Variants in GALNT10 observed in about 807,000 individuals in gnomAD.
GALNT10 encodes GalNAc transferase 10.
A neutral mutation model predicts 75.0 loss-of-function variants in GALNT10; 41 were observed. The ratio of observed to expected loss-of-function variants is 0.55; its 90% CI spans 0.43 to 0.71. The LOEUF is 0.71. Among genes scored for constraint, GALNT10 ranks in the 30% least tolerant of loss-of-function variants. The pLI, the probability that GALNT10 is intolerant of heterozygous loss-of-function variation, is 0.00. For synonymous variants in GALNT10, 302 were observed against 313.0 expected, an observed-to-expected ratio of 0.96 and a Z score of 0.37; for missense variants, 727 against 818.5, an observed-to-expected ratio of 0.89 and a Z score of 1.36.
chr5:154,344,424 A>C (rs550461383), intron 4 of GALNT10, among the ~76,000 whole-genome samples: 21 of 151,988 alleles, frequency 1.4e-4, no homozygotes, highest in Admixed American at 7.9e-4. Context: ...GTTGGCCAGG[A>C]TGGTCTCGAT....
chr5:154,285,686 C>T (rs184482149), intron 1 of GALNT10, among the ~76,000 whole-genome samples: 2 of 152,332 alleles, frequency 1.3e-5, no homozygotes, highest in Admixed American at 1.3e-4. Context: ...GTGATAGCCT[C>T]CTTCCCAGCC....
chr5:154,299,960 G>A lies in GALNT10; in HGVS notation c.401+1881G>A, dbSNP rs544412323. 8.8e-4 allele frequency among the ~76,000 whole-genome samples: 133 copies of A among 151,606 alleles called. 1 individual carries two copies. The highest frequency in any genetic ancestry group is 2.5e-3 in the African/African-American group (105 of 41,320). ...AGCAATCCTCCCATCTCAGCCTCCC[G>A]TGTAGCTGGGACCACAAGTGTGTGC... On this transcript the variant is annotated intron_variant, in intron 3 of 11. Coordinates refer to ENST00000297107, the MANE Select transcript of GALNT10 (RefSeq NM_198321.4).
At chr5:154,201,147 C>T (rs1258591665) in intron 1 of GALNT10, among the ~76,000 whole-genome samples, 1 of 152,130 alleles carries the variant, frequency 6.6e-6, no homozygotes, top group African/African-American at 2.4e-5. Context: ...AACCTGGGCA[C>T]TTCACCCTTT....
At chr5:154,280,935 A>G (rs1266280205) in intron 1 of GALNT10, among the ~76,000 whole-genome samples, 1 of 152,250 alleles carries the variant, frequency 6.6e-6, no homozygotes, top group African/African-American at 2.4e-5. Flanking sequence ...AACTGAATGC[A>G]TATAGTTATG....
intron 4 of GALNT10, chr5:154,356,404 G>A (rs1210293082): frequency 3.1e-6 from 1 of 319,440 alleles, no homozygotes; most frequent in Non-Finnish European, 6.2e-6. Flanking sequence ...TCTGGGAGAG[G>A]GATCTGAGGT....
chr5:154,351,471 GCTTTT>G (rs1755203879), intron 4 of GALNT10, among the ~76,000 whole-genome samples: 1 of 152,148 alleles, frequency 6.6e-6, no homozygotes, highest in Admixed American at 6.5e-5. Context: ...TTTACTGCTT[GCTTTT>G]ATGTGTTTTC....
At chr5:154,367,018 A>G (rs75720702) in intron 4 of GALNT10, among the ~76,000 whole-genome samples, 5,325 of 152,278 alleles carry the variant, frequency 0.035, 304 homozygotes, top group African/African-American at 0.12. Context: ...TGGTAGGAGT[A>G]GACTCATTGG....
At chr5:154,321,624 AC>A (rs35830981) in intron 3 of GALNT10, among the ~76,000 whole-genome samples, 1 of 151,856 alleles carries the variant, frequency 6.6e-6, no homozygotes, top group South Asian at 2.1e-4. Context: ...GCACCTGGCC[AC>A]CCCCAGAACT....
chr5:154,281,399 A>G (rs10066392), intron 1 of GALNT10, among the ~76,000 whole-genome samples: 2,557 of 152,302 alleles, frequency 0.017, 56 homozygotes, highest in African/African-American at 0.059. Context: ...TATTGACCTT[A>G]TATCTTTTGA....
intron 5 of GALNT10, among the ~76,000 whole-genome samples, chr5:154,377,552 C>A (rs185780427): frequency 6.6e-6 from 1 of 152,268 alleles, no homozygotes; most frequent in Non-Finnish European, 1.5e-5. Flanking sequence ...GCATGTCTAC[C>A]CAGCTTCCAG....
At chr5:154,211,732 C>T (rs1775201074) in intron 1 of GALNT10, among the ~76,000 whole-genome samples, 1 of 152,162 alleles carries the variant, frequency 6.6e-6, no homozygotes, top group African/African-American at 2.4e-5. Context: ...GCCGGTTAAT[C>T]TACTTCCAAG....
intron 1 of GALNT10, among the ~76,000 whole-genome samples, chr5:154,286,476 T>C (rs576068343): frequency 1.3e-5 from 2 of 151,712 alleles, no homozygotes; most frequent in East Asian, 3.9e-4. Context: ...AGGGAAAAGC[T>C]ACTGAAGGTT....
intron 3 of GALNT10, among the ~76,000 whole-genome samples, chr5:154,320,666 G>A (rs1754659727): frequency 6.6e-6 from 1 of 152,234 alleles, no homozygotes; most frequent in African/African-American, 2.4e-5. Context: ...TGAAGTTGGA[G>A]CAGATTCCCA....
At chr5:154,282,842 A>C (rs943421326) in intron 1 of GALNT10, among the ~76,000 whole-genome samples, 4 of 152,250 alleles carry the variant, frequency 2.6e-5, no homozygotes, top group Non-Finnish European at 4.4e-5. Context: ...TTATTCATTC[A>C]TTCAACAGAA....
intron 4 of GALNT10, among the ~76,000 whole-genome samples, chr5:154,345,796 C>T (rs1396519758): frequency 1.5e-5 from 2 of 131,294 alleles, no homozygotes; most frequent in Admixed American, 8.7e-5. Flanking sequence ...CCACTACACC[C>T]GGCGAATTTT....
chr5:154,203,664 G>A (rs137921591), intron 1 of GALNT10, among the ~76,000 whole-genome samples: 10 of 152,290 alleles, frequency 6.6e-5, no homozygotes, highest in East Asian at 3.9e-4. Flanking sequence ...CTGTGGTGGC[G>A]TGAATGTTAT....
At position 154,380,592 on chromosome 5, in the gene GALNT10, C is replaced by T. The variant is rs1263772085; in HGVS notation, c.899C>T (p.Pro300Leu). The T allele has an allele frequency of 9.3e-6, 15 of 1,613,896 alleles. No individual in the cohort carries two copies. Among genetic ancestry groups the T allele is most frequent in the Non-Finnish European group, 1.2e-5 (14 of 1,179,828 alleles). Residue 300 changes from proline (P) to leucine (L), a missense_variant, in exon 6 of 12, where the codon CCT becomes CTT. Coordinates refer to ENST00000297107, the MANE Select transcript of GALNT10 (RefSeq NM_198321.4). The stretch of plus-strand genomic sequence containing the variant: ...ATGTACTACAAGCGGATCCCGATCC[C>T]TCCAGAACTGCAGAAAGCTGACCCC... ...WEMYYKRIPI[P>L]PELQKADPSD... is the part of the protein sequence containing the mutation.
At chr5:154,297,744 A>T (rs1272982090) in intron 2 of GALNT10, among the ~76,000 whole-genome samples, 197 bp from the exon 3 acceptor site, 1 of 152,230 alleles carries the variant, frequency 6.6e-6, no homozygotes, top group African/African-American at 2.4e-5. Context: ...TGATTACATG[A>T]GAACAAGATG....
At position 154,352,038 on chromosome 5, in the gene GALNT10, C is replaced by T. The variant is rs1755211212; in HGVS notation, c.568+22300C>T. The stretch of plus-strand genomic sequence containing the variant: ...AAATGAGAATCAGAAAGGCTGTGTG[C>T]CGTGTACAGGGATGCACAGCCAGTT... On this transcript the variant is annotated intron_variant, in intron 4 of 11. Transcript: ENST00000297107. This position sits in a 1 kb window ranked among gnomAD's most constrained non-coding sequence, Gnocchi z 4.4. Among the ~76,000 whole-genome samples, 1 of 152,316 alleles carries T rather than the reference C, an allele frequency of 6.6e-6. No individual in the cohort carries two copies. Among genetic ancestry groups the T allele is most frequent in the South Asian group, 2.1e-4 (1 of 4,826 alleles).
Sources: allele counts gnomAD v4.1 joint callset (sites outside exome capture counted in the v4.1 genomes callset), GRCh38; gene constraint gnomAD v4.1.1; non-coding constraint Gnocchi (gnomAD v3.1); transcripts MANE v1.5; gene names NCBI Gene and HGNC (gene_info 2026-07-23, HGNC 2026-07-21).